CUL1: variants seen among roughly 807,000 people sequenced by gnomAD.
The protein encoded by CUL1 is cullin 1, also known as cullin-1.
Under a neutral mutation model 118.0 loss-of-function variants are expected in CUL1, and 24 were observed. That is an observed-to-expected ratio of 0.20 (90% CI 0.15 to 0.29). CUL1 has a LOEUF of 0.29. Ranked by LOEUF, CUL1 falls within the 10% of genes least tolerant of loss-of-function variation. CUL1 has a pLI of 1.00. For synonymous variants in CUL1, 332 were observed against 340.4 expected (o/e 0.98, Z 0.27); for missense variants, 361 against 933.8 (o/e 0.39, Z 7.99).
chr7:148,747,473 G>A (rs1381694071), intron 2 of CUL1, among the ~76,000 whole-genome samples: 1 of 152,172 alleles, frequency 6.6e-6, no homozygotes, highest in Non-Finnish European at 1.5e-5. Flanking sequence ...TAGGCTGGCC[G>A]GTAGGGGTCA....
intron 2 of CUL1, among the ~76,000 whole-genome samples, chr7:148,741,302 T>C (rs540787487): frequency 1.2e-4 from 19 of 152,362 alleles, no homozygotes; most frequent in African/African-American, 4.6e-4. Flanking sequence ...TAACTGTGTG[T>C]TTAACCATTT....
chr7:148,759,781 A>C, intron 6 of CUL1, 143 bp downstream of exon 6: 1 of 494,270 alleles, frequency 2.0e-6, no homozygotes, highest in Non-Finnish European at 3.6e-6. Flanking sequence ...ATTTCTTTTT[A>C]AGTCAGTGTG....
At chr7:148,783,295 G>A (rs1239450129) in intron 9 of CUL1, 38 of 983,252 alleles carry the variant, frequency 3.9e-5, no homozygotes, top group Admixed American at 2.5e-4. Context: ...ATCGCCACGC[G>A]GATCCGCGCC....
chr7:148,750,152 G>A (rs1229151198), intron 2 of CUL1, among the ~76,000 whole-genome samples: 1 of 152,206 alleles, frequency 6.6e-6, no homozygotes, highest in Non-Finnish European at 1.5e-5. Flanking sequence ...TATAACAGTA[G>A]TGCAAGGTGA....
intron 9 of CUL1, among the ~76,000 whole-genome samples, chr7:148,772,823 T>A (rs899953230): frequency 6.6e-6 from 1 of 151,998 alleles, no homozygotes; most frequent in Non-Finnish European, 1.5e-5. Context: ...AGGGTATAAT[T>A]TCCTGCAGGG....
At chr7:148,698,523 G>C (rs1394130115), upstream of CUL1, 1 of 152,114 alleles carries the variant, frequency 6.6e-6, no homozygotes, top group African/African-American at 2.4e-5. Flanking sequence ...GCCGGGGGCA[G>C]GGGCCGCAGG....
chr7:148,767,282 A>C (rs922947951), intron 8 of CUL1, among the ~76,000 whole-genome samples: 1 of 151,670 alleles, frequency 6.6e-6, no homozygotes, highest in Non-Finnish European at 1.5e-5. Flanking sequence ...CATAAATACT[A>C]TTTCAATCTT....
chr7:148,766,514 T>G (rs1210832873), intron 7 of CUL1, 47 bp from the exon 8 acceptor site: 3 of 1,509,236 alleles, frequency 2.0e-6, no homozygotes, highest in African/African-American at 1.4e-5. Flanking sequence ...TTGTAACAGT[T>G]CTTTACCAAT....
chr7:148,737,076 TC>T (rs1296457575), intron 2 of CUL1, among the ~76,000 whole-genome samples: 2 of 152,258 alleles, frequency 1.3e-5, no homozygotes, highest in African/African-American at 4.8e-5. Context: ...GTTCTTGCTA[TC>T]TTTTACTACT....
chr7:148,745,393 T>C (rs573443590), intron 2 of CUL1, among the ~76,000 whole-genome samples: 4 of 152,370 alleles, frequency 2.6e-5, no homozygotes, highest in Admixed American at 2.6e-4. Context: ...CTGTTTCTTT[T>C]ACATCAACCA....
intron 2 of CUL1, among the ~76,000 whole-genome samples, chr7:148,743,682 T>A (rs1799217304): frequency 6.7e-6 from 1 of 148,720 alleles, no homozygotes; most frequent in African/African-American, 2.6e-5. Context: ...GGCGGGCAGA[T>A]CGCCGGAGGC....
chr7:148,730,007 T>A lies in CUL1; in HGVS notation c.-116T>A. 8.4e-7 allele frequency: 1 copy of A among 1,183,732 alleles called. No homozygotes were observed. Among genetic ancestry groups the A allele is most frequent in the South Asian group, 1.7e-5 (1 of 60,484 alleles). 73.3% of individuals were successfully genotyped at this position (1,183,732 alleles called of 1,614,324 possible). ...CATTCTCTACATTTAAAGGACATCC[T>A]TTCTGAGCTGCTGTGAATAAATTTG... On this transcript the variant is annotated 5_prime_UTR_variant, in exon 2 of 22. Coordinates refer to ENST00000325222, the MANE Select transcript of CUL1 (RefSeq NM_003592.3).
At chr7:148,746,369 C>G (rs243494) in intron 2 of CUL1, among the ~76,000 whole-genome samples, 2 of 151,288 alleles carry the variant, frequency 1.3e-5, no homozygotes, top group Non-Finnish European at 2.9e-5. Context: ...TGCACACTTG[C>G]GTGCAGCCTT....
At chr7:148,798,233 G>A (rs577576206) in intron 19 of CUL1, among the ~76,000 whole-genome samples, 1 of 152,216 alleles carries the variant, frequency 6.6e-6, no homozygotes, top group East Asian at 1.9e-4. Flanking sequence ...TATTATTTTG[G>A]CAAATAAGTC....
chr7:148,754,208 A>G, intron 3 of CUL1, 58 bp downstream of exon 3: 1 of 1,145,006 alleles, frequency 8.7e-7, no homozygotes, highest in Non-Finnish European at 1.2e-6. Flanking sequence ...AAAGTGAAAT[A>G]ATGGTTCTAA....
chr7:148,771,306 T>A lies in CUL1; in HGVS notation c.1083+3557T>A, dbSNP rs371811313. ...ACTGAAATTCGTAGAGGTTTCCAGT[T>A]TATCATGTAAGTCAAATATTTTTTG... On this transcript the variant is annotated intron_variant, in intron 9 of 21. Coordinates refer to ENST00000325222, the MANE Select transcript of CUL1 (RefSeq NM_003592.3). 5.3e-5 allele frequency among the ~76,000 whole-genome samples: 8 copies of A among 152,366 alleles called. No homozygotes were observed. In the East Asian group the frequency reaches 1.2e-3, roughly 22 times the overall value.
chr7:148,759,375 G>T, intron 5 of CUL1, 21 bp downstream of exon 5: 1 of 1,612,780 alleles, frequency 6.2e-7, no homozygotes, highest in East Asian at 2.2e-5. Context: ...GTGTGAGCGT[G>T]TGCATGTTCC....
chr7:148,757,244 T>C (rs1048054069), intron 4 of CUL1, 94 bp downstream of exon 4: 1 of 713,378 alleles, frequency 1.4e-6, no homozygotes, highest in South Asian at 4.6e-5. Context: ...TAGGCAAATA[T>C]TAAGCTTTTT....
At chr7:148,729,555 C>G (rs1398125925) in intron 1 of CUL1, among the ~76,000 whole-genome samples, 1 of 152,146 alleles carries the variant, frequency 6.6e-6, no homozygotes, top group Non-Finnish European at 1.5e-5. Context: ...TCATAGGTAA[C>G]CCGTGAGATT....
Sources: allele counts gnomAD v4.1 joint callset (sites outside exome capture counted in the v4.1 genomes callset), GRCh38; gene constraint gnomAD v4.1.1; transcripts MANE v1.5; gene names NCBI Gene and HGNC (gene_info 2026-07-23, HGNC 2026-07-21).